RABGAP1L: variants seen among roughly 807,000 people sequenced by gnomAD.
RABGAP1L encodes rab GTPase-activating protein 1-like.
A neutral mutation model predicts 137.7 loss-of-function variants in RABGAP1L; 63 were observed. The ratio of observed to expected loss-of-function variants is 0.46; its 90% CI spans 0.37 to 0.56. The LOEUF (loss-of-function observed/expected upper bound fraction) is 0.56. RABGAP1L is among the 20% of genes least tolerant of loss of function. The probability of loss-of-function intolerance (pLI) is 0.00; values close to 1 mark genes in which losing one functional copy is unlikely to be tolerated. For synonymous variants in RABGAP1L, 431 were observed against 433.7 expected (o/e 0.99, Z 0.08); for missense variants, 1,095 against 1,244.0 (o/e 0.88, Z 1.80).
chr1:174,250,274 C>T (rs1317473503), intron 5 of RABGAP1L, among the ~76,000 whole-genome samples: 1 of 151,466 alleles, frequency 6.6e-6, no homozygotes, highest in Non-Finnish European at 1.5e-5. Flanking sequence ...TTGTTTACTC[C>T]CTCTTTTTTT....
intron 13 of RABGAP1L, among the ~76,000 whole-genome samples, chr1:174,627,341 C>G (rs1054589777): frequency 1.3e-5 from 2 of 152,194 alleles, no homozygotes; most frequent in Non-Finnish European, 2.9e-5. Context: ...ACAAAGCTGT[C>G]TTCCTAATGC....
chr1:174,177,951 C>T (rs555226147), intron 1 of RABGAP1L, among the ~76,000 whole-genome samples: 3 of 152,150 alleles, frequency 2.0e-5, no homozygotes, highest in African/African-American at 7.2e-5. Context: ...TTAAGGTTGT[C>T]TTGGCTATAT....
intron 17 of RABGAP1L, among the ~76,000 whole-genome samples, chr1:174,717,043 T>C (rs1681077624): frequency 1.3e-5 from 2 of 152,164 alleles, no homozygotes; most frequent in South Asian, 4.1e-4. Flanking sequence ...CAGAGAAGAA[T>C]TAGTGCATTC....
intron 13 of RABGAP1L, among the ~76,000 whole-genome samples, chr1:174,403,608 A>T (rs1273290478): frequency 6.6e-6 from 1 of 152,102 alleles, no homozygotes; most frequent in Non-Finnish European, 1.5e-5. Context: ...ATCTTTATCA[A>T]TATGATATTA....
chr1:174,841,626 A>C (rs1298339345), intron 19 of RABGAP1L, among the ~76,000 whole-genome samples: 1 of 152,118 alleles, frequency 6.6e-6, no homozygotes, highest in African/African-American at 2.4e-5. Context: ...TTTTTTAAAA[A>C]TATGATATTA....
intron 12 of RABGAP1L, among the ~76,000 whole-genome samples, chr1:174,381,333 C>G (rs1686135826): frequency 6.9e-6 from 1 of 145,358 alleles, no homozygotes; most frequent in Non-Finnish European, 1.5e-5. Flanking sequence ...AGTTCAATTC[C>G]TGGGTATCCT....
intron 18 of RABGAP1L, among the ~76,000 whole-genome samples, chr1:174,783,405 G>A (rs1305105957): frequency 6.6e-6 from 1 of 152,042 alleles, no homozygotes. Context: ...GGGAGCAGCC[G>A]TCACCATCTT....
chr1:174,271,946 G>A (rs768697022), intron 7 of RABGAP1L, among the ~76,000 whole-genome samples: 1 of 151,864 alleles, frequency 6.6e-6, no homozygotes, highest in Non-Finnish European at 1.5e-5. Flanking sequence ...TGGAGGGCCA[G>A]GGTAACAACA....
chr1:174,408,564 T>G (rs1649543304), intron 13 of RABGAP1L, among the ~76,000 whole-genome samples: 1 of 152,196 alleles, frequency 6.6e-6, no homozygotes, highest in African/African-American at 2.4e-5. Flanking sequence ...ATTTGTTTTC[T>G]TTTGGATATA....
At chr1:174,782,325 G>T (rs1687079388) in intron 18 of RABGAP1L, among the ~76,000 whole-genome samples, 1 of 152,126 alleles carries the variant, frequency 6.6e-6, no homozygotes. Flanking sequence ...TCTCTTTGAA[G>T]CAATTGTGAA....
intron 13 of RABGAP1L, among the ~76,000 whole-genome samples, chr1:174,611,999 A>G (rs1055110360): frequency 2.0e-5 from 3 of 152,234 alleles, no homozygotes; most frequent in African/African-American, 7.2e-5. Flanking sequence ...TGTCATCTGC[A>G]AACAGGGACA....
chr1:174,322,615 T>A (rs1680095252), intron 11 of RABGAP1L, among the ~76,000 whole-genome samples: 1 of 152,202 alleles, frequency 6.6e-6, no homozygotes, highest in South Asian at 2.1e-4. Context: ...CAGTGCCTTA[T>A]ATTTCCTAGC....
chr1:174,551,128 G>A (rs1280683193), intron 13 of RABGAP1L, among the ~76,000 whole-genome samples: 1 of 149,032 alleles, frequency 6.7e-6, no homozygotes, highest in African/African-American at 2.5e-5. Context: ...AGAATTGCTT[G>A]AACCTGGGAG....
intron 19 of RABGAP1L, among the ~76,000 whole-genome samples, chr1:174,822,436 A>G (rs1022191970): frequency 6.6e-6 from 1 of 152,234 alleles, no homozygotes; most frequent in Non-Finnish European, 1.5e-5. Context: ...GTTCTGAAAC[A>G]GTTGATAACA....
intron 19 of RABGAP1L, among the ~76,000 whole-genome samples, chr1:174,957,016 A>G (rs779639862): frequency 6.6e-6 from 1 of 152,178 alleles, no homozygotes; most frequent in African/African-American, 2.4e-5. Flanking sequence ...TTTCAACATA[A>G]TAGAAGGATA....
At chr1:174,549,013 A>T (rs1415218758) in intron 13 of RABGAP1L, among the ~76,000 whole-genome samples, 1 of 152,202 alleles carries the variant, frequency 6.6e-6, no homozygotes, top group African/African-American at 2.4e-5. Flanking sequence ...GGTAGATAGG[A>T]TACAGCATAT....
chr1:174,933,119 T>TATAC (rs760968397), intron 19 of RABGAP1L, among the ~76,000 whole-genome samples: 93 of 151,862 alleles, frequency 6.1e-4, no homozygotes, highest in Middle Eastern at 3.4e-3. Flanking sequence ...TACATACATT[T>TATAC]ATACATACAT....
At chr1:174,268,174 T>C (rs1674230718) in intron 7 of RABGAP1L, among the ~76,000 whole-genome samples, 1 of 152,082 alleles carries the variant, frequency 6.6e-6, no homozygotes, top group African/African-American at 2.4e-5. Flanking sequence ...GTTCTGTTTT[T>C]CCCTTTCTAT....
intron 13 of RABGAP1L, among the ~76,000 whole-genome samples, chr1:174,577,778 C>T (rs892452720): frequency 9.9e-5 from 15 of 152,154 alleles, no homozygotes; most frequent in Non-Finnish European, 4.4e-5. Context: ...ATTTTGCTAG[C>T]AGCAGGTAGC....
Sources: allele counts gnomAD v4.1 joint callset (sites outside exome capture counted in the v4.1 genomes callset), GRCh38; gene constraint gnomAD v4.1.1; transcripts MANE v1.5; gene names NCBI Gene and HGNC (gene_info 2026-07-23, HGNC 2026-07-21).